PTPRR: variants seen among roughly 807,000 people sequenced by gnomAD.
PTPRR encodes protein tyrosine phosphatase receptor type R, also known as receptor-type tyrosine-protein phosphatase R.
Under a neutral mutation model 77.2 loss-of-function variants are expected in PTPRR, and 38 were observed. That is an observed-to-expected ratio of 0.49 (90% confidence interval 0.38 to 0.65). PTPRR has a LOEUF of 0.65. Ranked by LOEUF, PTPRR falls within the 30% of genes least tolerant of loss-of-function variation. The pLI, the probability that PTPRR is intolerant of heterozygous loss-of-function variation, is 0.00. For missense variants in PTPRR, 744 were observed against 799.2 expected (o/e 0.93, Z 0.83); for synonymous variants, 299 against 283.1 (o/e 1.06, Z -0.57).
intron 4 of PTPRR, among the ~76,000 whole-genome samples, chr12:70,759,940 C>T (rs1463717679): frequency 6.6e-6 from 1 of 151,882 alleles, no homozygotes; most frequent in Non-Finnish European, 1.5e-5. Context: ...GAGGGCATGG[C>T]CAAATTTATG....
At chr12:70,673,030 GCAA>G (rs1887299795) in intron 10 of PTPRR, 108 of 333,730 alleles carry the variant, frequency 3.2e-4, no homozygotes, top group South Asian at 1.2e-3. Context: ...TCGGGCCAAA[GCAA>G]AAAAAAAAAA....
intron 2 of PTPRR, among the ~76,000 whole-genome samples, chr12:70,787,991 T>G (rs369937364): frequency 2.6e-5 from 4 of 152,350 alleles, no homozygotes; most frequent in East Asian, 3.9e-4. Flanking sequence ...TAATCTTTGT[T>G]GTCCAGAACT....
intron 6 of PTPRR, among the ~76,000 whole-genome samples, chr12:70,705,788 G>A (rs1888598385): frequency 6.6e-6 from 1 of 151,308 alleles, no homozygotes; most frequent in Non-Finnish European, 1.5e-5. Flanking sequence ...TAGTGTACAC[G>A]TCAAATCTTA....
At chr12:70,866,821 A>C (rs910560894) in intron 2 of PTPRR, among the ~76,000 whole-genome samples, 6 of 152,028 alleles carry the variant, frequency 3.9e-5, no homozygotes, top group East Asian at 3.9e-4. Flanking sequence ...GCACATCAAA[A>C]AGCTTATCCA....
rs567862494 is a variant in PTPRR at position 70,820,478 on chromosome 12, C to T, written c.358-55700G>A. Among the ~76,000 whole-genome samples the T allele has an allele frequency of 7.4e-4, 112 of 152,302 alleles. 1 individual carries two copies. Among genetic ancestry groups the T allele is most frequent in the South Asian group, 6.8e-3 (33 of 4,830 alleles). On this transcript the variant is annotated intron_variant, in intron 2 of 13. Transcript: ENST00000283228. ...CCTCCCGAGTACTTGGGACTACAGG[C>T]GCCCGCCACCACGCCTGGCTAATTT...
intron 10 of PTPRR, among the ~76,000 whole-genome samples, chr12:70,676,712 T>G (rs1205733288): frequency 1.3e-5 from 2 of 152,078 alleles, no homozygotes; most frequent in Non-Finnish European, 2.9e-5. Flanking sequence ...GTAGTGAGAA[T>G]ATTCAAAATC....
At chr12:70,843,808 A>ATTTTTTTT (rs201003875) in intron 2 of PTPRR, among the ~76,000 whole-genome samples, 1 of 124,656 alleles carries the variant, frequency 8.0e-6, no homozygotes, top group Non-Finnish European at 1.7e-5. Context: ...GTTGCTGAAA[A>ATTTTTTTT]TTTTTTTTTT....
intron 6 of PTPRR, among the ~76,000 whole-genome samples, chr12:70,713,978 G>A (rs1888926915): frequency 1.3e-5 from 2 of 152,152 alleles, no homozygotes; most frequent in Admixed American, 6.5e-5. Context: ...ATTGGAAGAC[G>A]GAGTGAAGCA....
intron 6 of PTPRR, among the ~76,000 whole-genome samples, chr12:70,705,816 A>C (rs918425238): frequency 6.6e-6 from 1 of 152,036 alleles, no homozygotes; most frequent in Non-Finnish European, 1.5e-5. Flanking sequence ...AGAAGCAAGA[A>C]CTTTAATGTT....
At chr12:70,842,223 T>C (rs1892409628) in intron 2 of PTPRR, among the ~76,000 whole-genome samples, 1 of 152,218 alleles carries the variant, frequency 6.6e-6, no homozygotes, top group South Asian at 2.1e-4. Flanking sequence ...CAGATTATAA[T>C]GAGTATAATC....
At chr12:70,763,629 T>C (rs1266836790) in intron 3 of PTPRR, among the ~76,000 whole-genome samples, 1 of 152,118 alleles carries the variant, frequency 6.6e-6, no homozygotes, top group Non-Finnish European at 1.5e-5. Flanking sequence ...ATTCCCTCCA[T>C]AGTGAATGCA....
chr12:70,735,642 A>T (rs185477339), intron 6 of PTPRR, among the ~76,000 whole-genome samples: 3 of 152,282 alleles, frequency 2.0e-5, no homozygotes, highest in Admixed American at 2.0e-4. Flanking sequence ...AAAAGGTAAG[A>T]CATGGTAGTT....
In PTPRR at chr12:70,920,596, G is replaced by T. The variant is rs1252053260; in HGVS notation, c.-206C>A. ...AGAGAGGGAGAGAGGAAGAGCAGTA[G>T]GAGGTTGCGGGTAAGGGGAACAGAA... On this transcript the variant is annotated 5_prime_UTR_variant, in exon 1 of 14. Coordinates refer to ENST00000283228, the MANE Select transcript of PTPRR (RefSeq NM_002849.4). The T allele has an allele frequency of 2.4e-5, 13 of 533,772 alleles. No individual in the cohort carries two copies. The highest frequency in any genetic ancestry group is 3.7e-5 in the Non-Finnish European group (11 of 294,530). 33.1% of individuals were successfully genotyped at this position (533,772 alleles called of 1,614,324 possible).
chr12:70,680,463 T>C (rs768744128), intron 10 of PTPRR, among the ~76,000 whole-genome samples: 5 of 152,226 alleles, frequency 3.3e-5, no homozygotes, highest in African/African-American at 4.8e-5. Context: ...TCTATGTGTG[T>C]GCAGTAGTGT....
At position 70,701,136 on chromosome 12, in the gene PTPRR, C is replaced by T; in HGVS notation, c.1194+1G>A. The stretch of plus-strand genomic sequence containing the variant: ...GAGTGAACAATAAATAGAAGGCTCA[C>T]CATGAATTCACTTTGGAGTAAATGT... On this transcript the variant is annotated splice_donor_variant, in intron 7 of 13. Coordinates refer to ENST00000283228, the MANE Select transcript of PTPRR (RefSeq NM_002849.4). LOFTEE classifies it high-confidence loss of function. 6.2e-7 allele frequency: 1 copy of T among 1,613,744 alleles called. No individual in the cohort carries two copies. Among genetic ancestry groups the T allele is most frequent in the Non-Finnish European group, 8.5e-7 (1 of 1,179,822 alleles).
At chr12:70,661,233 T>G in intron 11 of PTPRR, 136 bp from the exon 12 acceptor site, 1 of 1,147,698 alleles carries the variant, frequency 8.7e-7, no homozygotes, top group Admixed American at 2.0e-5. Flanking sequence ...ATTTAGAAGA[T>G]TTTTGAAGAG....
intron 1 of PTPRR, among the ~76,000 whole-genome samples, chr12:70,909,840 G>C (rs1158994488): frequency 6.6e-6 from 1 of 152,206 alleles, no homozygotes; most frequent in African/African-American, 2.4e-5. Context: ...CAGAAGAAAG[G>C]TTGCCCGTGG....
intron 2 of PTPRR, among the ~76,000 whole-genome samples, chr12:70,799,277 T>C (rs2137018174): frequency 6.6e-6 from 1 of 152,348 alleles, no homozygotes; most frequent in South Asian, 2.1e-4. Context: ...ATGTTATATA[T>C]ACCTATATTA....
chr12:70,866,604 C>T (rs1405745349), intron 2 of PTPRR, among the ~76,000 whole-genome samples: 1 of 152,158 alleles, frequency 6.6e-6, no homozygotes, highest in Non-Finnish European at 1.5e-5. Context: ...ACCAAAGGTA[C>T]AAGGAGGAAC....
Sources: gnomAD v4.1 joint callset for allele counts (sites outside exome capture counted in the v4.1 genomes callset) on GRCh38, gnomAD v4.1.1 for gene constraint, MANE v1.5 for transcripts, NCBI Gene and HGNC (gene_info 2026-07-23, HGNC 2026-07-21) for gene names.